PLAAT1: variants seen among roughly 807,000 people sequenced by gnomAD.
The protein encoded by PLAAT1 is H-REV107 protein-related protein.
In PLAAT1, 13 loss-of-function variants were observed where a neutral mutation model predicts 16.4. That is an observed-to-expected ratio of 0.79 (90% CI 0.52 to 1.26). The LOEUF is 1.26. Ranked by LOEUF, PLAAT1 falls within the 50% of genes most tolerant of loss-of-function variation. The pLI, the probability that PLAAT1 is intolerant of heterozygous loss-of-function variation, is 0.00. For synonymous variants in PLAAT1, 73 were observed against 78.4 expected, an observed-to-expected ratio of 0.93 and a Z score of 0.36; for missense variants, 218 against 207.8, an observed-to-expected ratio of 1.05 and a Z score of -0.30.
At chr3:193,259,658 C>T (rs1390077379) in intron 2 of PLAAT1, among the ~76,000 whole-genome samples, 1 of 152,082 alleles carries the variant, frequency 6.6e-6, no homozygotes, top group Non-Finnish European at 1.5e-5. Flanking sequence ...CCTAGGAATA[C>T]ATCCAACCAA....
chr3:193,270,970 C>G, downstream of PLAAT1: 1 of 498,474 alleles, frequency 2.0e-6, no homozygotes, highest in Non-Finnish European at 2.8e-6. Flanking sequence ...AAAATCTCAT[C>G]ACATTTTATT....
chr3:193,275,097 C>G (rs1325204189), downstream of PLAAT1: 2 of 1,614,038 alleles, frequency 1.2e-6, no homozygotes, highest in African/African-American at 2.7e-5. Context: ...TTTGAGTTTT[C>G]TTTTTGGAAT....
intron 1 of PLAAT1, among the ~76,000 whole-genome samples, chr3:193,243,005 C>T (rs941295889): frequency 1.3e-4 from 20 of 152,300 alleles, no homozygotes; most frequent in Non-Finnish European, 1.0e-4. Context: ...CAGCCTGTCC[C>T]TATCGGCAGG....
intron 3 of PLAAT1, among the ~76,000 whole-genome samples, chr3:193,267,175 A>G (rs1215247373): frequency 6.6e-6 from 1 of 152,166 alleles, no homozygotes; most frequent in Non-Finnish European, 1.5e-5. Flanking sequence ...TTACCATACC[A>G]TTGTGAAAAT....
At chr3:193,257,460 G>A (rs1283675335) in intron 2 of PLAAT1, among the ~76,000 whole-genome samples, 6 of 152,086 alleles carry the variant, frequency 3.9e-5, no homozygotes, top group Admixed American at 1.3e-4. Context: ...CACATGCTTA[G>A]TCATAAAGCA....
At chr3:193,269,825 G>C (rs975733128) in intron 3 of PLAAT1, among the ~76,000 whole-genome samples, 1 of 152,128 alleles carries the variant, frequency 6.6e-6, no homozygotes, top group Non-Finnish European at 1.5e-5. Flanking sequence ...ATATTCATTA[G>C]TTCTCTCATC....
downstream of PLAAT1, among the ~76,000 whole-genome samples, chr3:193,279,826 A>G (rs1300161915): frequency 3.3e-5 from 5 of 151,958 alleles, no homozygotes; most frequent in Middle Eastern, 3.4e-3. Context: ...GGGATCCTCT[A>G]TTGACATTCA....
chr3:193,269,242 A>G (rs1363108559), intron 3 of PLAAT1, among the ~76,000 whole-genome samples: 2 of 150,256 alleles, frequency 1.3e-5, no homozygotes, highest in Admixed American at 6.6e-5. Context: ...AATAGATAAG[A>G]AATCAAATAA....
At chr3:193,251,304 A>G (rs1716184869) in intron 1 of PLAAT1, among the ~76,000 whole-genome samples, 1 of 152,210 alleles carries the variant, frequency 6.6e-6, no homozygotes, top group African/African-American at 2.4e-5. Flanking sequence ...AAACTAAGGA[A>G]AGAAGGTGGG....
intron 2 of PLAAT1, among the ~76,000 whole-genome samples, chr3:193,262,532 C>T (rs1215430872): frequency 2.0e-5 from 3 of 152,068 alleles, no homozygotes; most frequent in Non-Finnish European, 4.4e-5. Flanking sequence ...GATGAGCCTA[C>T]TAATAACAGT....
At chr3:193,273,254 A>G (rs141290484), downstream of PLAAT1, among the ~76,000 whole-genome samples, 43 of 152,322 alleles carry the variant, frequency 2.8e-4, no homozygotes, top group African/African-American at 1.0e-3. Context: ...AGTTTGATAC[A>G]TAGTTTATAA....
At chr3:193,255,109 GA>G (rs1172667822) in intron 1 of PLAAT1, among the ~76,000 whole-genome samples, 1 of 152,098 alleles carries the variant, frequency 6.6e-6, no homozygotes, top group Non-Finnish European at 1.5e-5. Context: ...ATAAAAGGTT[GA>G]AAGACTTCTG....
chr3:193,275,237 T>C, downstream of PLAAT1: 1 of 1,614,168 alleles, frequency 6.2e-7, no homozygotes, highest in South Asian at 1.1e-5. Context: ...TATATTGACT[T>C]TTAGAGTAGA....
intron 2 of PLAAT1, among the ~76,000 whole-genome samples, chr3:193,257,023 T>C (rs1303845345): frequency 6.6e-6 from 1 of 152,220 alleles, no homozygotes; most frequent in Non-Finnish European, 1.5e-5. Flanking sequence ...AACCACTATT[T>C]AGACTCTCTG....
intron 2 of PLAAT1, among the ~76,000 whole-genome samples, chr3:193,277,412 A>G (rs1717270023): frequency 6.6e-6 from 1 of 152,184 alleles, no homozygotes; most frequent in Admixed American, 6.5e-5. Context: ...TGTGAGAGCC[A>G]TAACTTCCCA....
chr3:193,245,588 A>G (rs1421535827), intron 1 of PLAAT1, among the ~76,000 whole-genome samples: 2 of 152,178 alleles, frequency 1.3e-5, no homozygotes, highest in African/African-American at 4.8e-5. Context: ...TGGTAATTCT[A>G]CTTTTAGTTT....
chr3:193,241,683 C>A (rs1475528446), intron 1 of PLAAT1, 150 bp downstream of exon 1: 2 of 512,118 alleles, frequency 3.9e-6, no homozygotes, highest in African/African-American at 2.0e-5. Flanking sequence ...ACTCAGTCCA[C>A]AGGGCAAGAG....
chr3:193,262,933 G>A (rs1716637881), intron 2 of PLAAT1, 37 bp from the exon 3 acceptor site: 1 of 1,606,724 alleles, frequency 6.2e-7, no homozygotes, highest in Non-Finnish European at 8.5e-7. Context: ...ATTGGACTGG[G>A]TCACTATACC....
chr3:193,240,998 G>A (rs1034329837), upstream of PLAAT1: 10 of 360,420 alleles, frequency 2.8e-5, no homozygotes, highest in Admixed American at 9.5e-5. Flanking sequence ...CCGAGACGCG[G>A]GTGCGGAGCC....
Sources: gnomAD v4.1 joint callset for allele counts (sites outside exome capture counted in the v4.1 genomes callset) on GRCh38, gnomAD v4.1.1 for gene constraint, MANE v1.5 for transcripts, NCBI Gene and HGNC (gene_info 2026-07-23, HGNC 2026-07-21) for gene names.